Variants in TRAF3 observed in about 807,000 individuals in gnomAD.
TRAF3 encodes TNF receptor associated factor 3, also known as TNF receptor-associated factor 3.
Under a neutral mutation model 62.3 loss-of-function variants are expected in TRAF3, and 13 were observed. The ratio of observed to expected loss-of-function variants is 0.21; its 90% CI spans 0.14 to 0.33. The LOEUF is 0.33. TRAF3 is among the 10% of genes least tolerant of loss of function. The pLI is 1.00. For synonymous variants in TRAF3, 269 were observed against 283.4 expected (o/e 0.95, Z 0.51); for missense variants, 440 against 741.8 (o/e 0.59, Z 4.73).
intron 2 of TRAF3, among the ~76,000 whole-genome samples, chr14:102,843,770 T>G (rs1167202556): frequency 1.3e-5 from 2 of 151,896 alleles, no homozygotes; most frequent in Non-Finnish European, 2.9e-5. Flanking sequence ...ATCACACCAC[T>G]GTACTCCAGC....
intron 1 of TRAF3, among the ~76,000 whole-genome samples, chr14:102,789,124 T>C (rs7145882): frequency 0.53 from 80,913 of 151,994 alleles, 23,722 homozygotes; most frequent in Middle Eastern, 0.74. Context: ...TATAACTTGT[T>C]TTTTGTATCT....
At chr14:102,893,432 G>A (rs1216993085) in intron 9 of TRAF3, among the ~76,000 whole-genome samples, 2 of 151,550 alleles carry the variant, frequency 1.3e-5, no homozygotes, top group African/African-American at 2.4e-5. Context: ...TGCTGTGTTA[G>A]ATACACAGTA....
At chr14:102,844,952 C>T (rs973324746) in intron 2 of TRAF3, among the ~76,000 whole-genome samples, 1 of 152,040 alleles carries the variant, frequency 6.6e-6, no homozygotes, top group African/African-American at 2.4e-5. Flanking sequence ...GACTGGAGTG[C>T]AGTGGTGCAA....
At position 102,903,452 on chromosome 14, in the gene TRAF3, G is replaced by A. The variant is rs746847956; in HGVS notation, c.1135+23G>A. The A allele has an allele frequency of 2.5e-6, 4 of 1,612,860 alleles. No individual in the cohort carries two copies. Among genetic ancestry groups the A allele is most frequent in the Non-Finnish European group, 3.4e-6 (4 of 1,179,754 alleles). On this transcript the variant is annotated intron_variant, in intron 11 of 11. Coordinates refer to ENST00000392745, the MANE Select transcript of TRAF3 (RefSeq NM_145725.3). The surrounding 1 kb of genome is among the most constrained non-coding windows in gnomAD (Gnocchi z 6.4). Reference sequence around the variant, plus strand: ...CAGGTGAGGCAGGGGCCGGGGCCGGGCCAGCAGTGTGCATCTGGGCCCCGG... The same window carrying A: ...CAGGTGAGGCAGGGGCCGGGGCCGGACCAGCAGTGTGCATCTGGGCCCCGG...
chr14:102,783,824 A>G (rs1234357880), intron 1 of TRAF3, among the ~76,000 whole-genome samples: 2 of 152,122 alleles, frequency 1.3e-5, no homozygotes, highest in Admixed American at 1.3e-4. Context: ...TGGTAGAATG[A>G]CCTTGGGCAG....
intron 2 of TRAF3, among the ~76,000 whole-genome samples, chr14:102,860,713 A>T (rs2139778392): frequency 6.6e-6 from 1 of 152,336 alleles, no homozygotes; most frequent in African/African-American, 2.4e-5. Flanking sequence ...ATTGAACCTG[A>T]ACTCAGGCCA....
At chr14:102,810,408 C>T (rs1899051425) in intron 1 of TRAF3, among the ~76,000 whole-genome samples, 1 of 152,020 alleles carries the variant, frequency 6.6e-6, no homozygotes, top group Admixed American at 6.6e-5. Flanking sequence ...GAGTGGTGGA[C>T]CATCAGAAGC....
chr14:102,887,789 G>T (rs1167480192), intron 7 of TRAF3, among the ~76,000 whole-genome samples: 1 of 151,986 alleles, frequency 6.6e-6, no homozygotes, highest in Non-Finnish European at 1.5e-5. Context: ...TAGAGACGGG[G>T]TTTCACCTTG....
At chr14:102,874,579 G>A (rs1203317210) in intron 4 of TRAF3, among the ~76,000 whole-genome samples, 1 of 151,864 alleles carries the variant, frequency 6.6e-6, no homozygotes, top group Non-Finnish European at 1.5e-5. Context: ...CTTAAAAAAA[G>A]AGTGAGAATG....
intron 1 of TRAF3, among the ~76,000 whole-genome samples, chr14:102,818,276 C>T (rs1387777897): frequency 6.6e-6 from 1 of 152,096 alleles, no homozygotes; most frequent in Non-Finnish European, 1.5e-5. Flanking sequence ...AGCTGTTTGG[C>T]CTCTTTCCCA....
chr14:102,819,933 G>A (rs1463099028), intron 1 of TRAF3, among the ~76,000 whole-genome samples: 3 of 152,240 alleles, frequency 2.0e-5, no homozygotes, highest in African/African-American at 7.2e-5. Context: ...AAATTGCAGA[G>A]AAGGGATTAT....
intron 1 of TRAF3, among the ~76,000 whole-genome samples, chr14:102,825,495 G>A (rs1297603199): frequency 2.0e-5 from 3 of 152,230 alleles, no homozygotes; most frequent in East Asian, 3.8e-4. Context: ...TCAGCCCTGG[G>A]CCAGCTGTGG....
intron 1 of TRAF3, among the ~76,000 whole-genome samples, chr14:102,822,964 C>A (rs1900072299): frequency 6.6e-6 from 1 of 151,646 alleles, no homozygotes; most frequent in Non-Finnish European, 1.5e-5. Flanking sequence ...CGAGATCACG[C>A]CATTGCACTC....
At chr14:102,899,582 C>T (rs773450289) in intron 10 of TRAF3, among the ~76,000 whole-genome samples, 1 of 152,216 alleles carries the variant, frequency 6.6e-6, no homozygotes, top group Non-Finnish European at 1.5e-5. Flanking sequence ...GTCTTTTTCT[C>T]CTGCTTCCCT....
intron 1 of TRAF3, among the ~76,000 whole-genome samples, chr14:102,796,202 C>G (rs189056502): frequency 6.6e-6 from 1 of 152,328 alleles, no homozygotes; most frequent in East Asian, 1.9e-4. Context: ...GGTGACACAG[C>G]AAGACTGTCT....
chr14:102,839,034 G>A (rs551910870), intron 2 of TRAF3, among the ~76,000 whole-genome samples: 3 of 152,022 alleles, frequency 2.0e-5, no homozygotes, highest in East Asian at 1.9e-4. Flanking sequence ...TGTGGAAATC[G>A]GCTCATGGTA....
chr14:102,891,940 A>T (rs770709550), intron 9 of TRAF3, among the ~76,000 whole-genome samples: 2 of 152,172 alleles, frequency 1.3e-5, no homozygotes, highest in Non-Finnish European at 2.9e-5. Context: ...AACAGGAAAA[A>T]ATATTTGATA....
Position 102,843,593 on chromosome 14 carries a change from C to T in TRAF3, c.-18+13121C>T, listed in dbSNP as rs552978487. 2.2e-3 allele frequency among the ~76,000 whole-genome samples: 332 copies of T among 152,310 alleles called. 2 individuals carry two copies. Among genetic ancestry groups the T allele is most frequent in the Admixed American group, 1.6e-3 (24 of 15,304 alleles). ...TTTCAAGCAATCCACCCATCTCAGC[C>T]TCCCAAAGTGCTGGGATTACAGGCG... On this transcript the variant is annotated intron_variant, in intron 2 of 11. Coordinates refer to ENST00000392745, the MANE Select transcript of TRAF3 (RefSeq NM_145725.3).
At chr14:102,866,816 G>C (rs913491520) in intron 2 of TRAF3, among the ~76,000 whole-genome samples, 6 of 150,884 alleles carry the variant, frequency 4.0e-5, no homozygotes, top group Non-Finnish European at 7.4e-5. Flanking sequence ...CTATACTCCA[G>C]CCTGGGCAAC....
Sources: gnomAD v4.1 joint callset for allele counts (sites outside exome capture counted in the v4.1 genomes callset) on GRCh38, gnomAD v4.1.1 for gene constraint, Gnocchi (gnomAD v3.1) non-coding constraint, MANE v1.5 for transcripts, NCBI Gene and HGNC (gene_info 2026-07-23, HGNC 2026-07-21) for gene names.